GAK: variants seen among roughly 807,000 people sequenced by gnomAD.
GAK encodes the protein cyclin-G-associated kinase.
GAK carries 79 observed loss-of-function variants against 143.9 expected under a neutral mutation model. The observed-to-expected ratio is 0.55, with a 90% CI of 0.46 to 0.66. The LOEUF (loss-of-function observed/expected upper bound fraction) is 0.66. Ranked by LOEUF, GAK falls within the 30% of genes least tolerant of loss-of-function variation. The pLI is 0.00. For synonymous variants in GAK, 881 were observed against 765.5 expected (o/e 1.15, Z -2.49); for missense variants, 1,693 against 1,779.7 (o/e 0.95, Z 0.88).
At chr4:871,042 C>T (rs994253345) in intron 18 of GAK, 138 bp from the exon 19 acceptor site, 2 of 726,094 alleles carry the variant, frequency 2.8e-6, no homozygotes, top group East Asian at 2.9e-5. Context: ...CAGCCGGCCA[C>T]CCCCGCCTGC....
chr4:865,323 C>T (rs1577073031), intron 22 of GAK, 79 bp from the exon 23 acceptor site: 1 of 1,586,904 alleles, frequency 6.3e-7, no homozygotes, highest in East Asian at 2.2e-5. Flanking sequence ...AGGCTGTGCT[C>T]AGGGCCCTAG....
At chr4:864,971 C>T (rs1424795321) in intron 23 of GAK, 151 bp downstream of exon 23, 3 of 1,107,688 alleles carry the variant, frequency 2.7e-6, no homozygotes, top group East Asian at 5.4e-5. Flanking sequence ...ATACCACAGC[C>T]TTGTGTGCGG....
intron 11 of GAK, among the ~76,000 whole-genome samples, chr4:885,462 C>G (rs574619928): frequency 6.6e-6 from 1 of 152,344 alleles, no homozygotes; most frequent in South Asian, 2.1e-4. Context: ...ACGCCTTAAG[C>G]AAAGGTGGGC....
chr4:849,361 A>C lies in GAK; in HGVS notation c.*312T>G. 2.3e-6 allele frequency: 1 copy of C among 440,598 alleles called. No homozygotes were observed. The allele number at this position is 440,598 out of a possible 1,614,324, so 27.3% of individuals were successfully genotyped here. A position where few individuals can be genotyped will look rare whatever the true frequency, so the allele number is the denominator to read the frequency against. On this transcript the variant is annotated 3_prime_UTR_variant, in exon 28 of 28. Transcript: ENST00000314167. Reference sequence around the variant, plus strand: ...GCAAACACCAGGGCCCATGAGCGCCAGCAGCGTGGCCCACCACGTGCCGGG... The same window carrying C: ...GCAAACACCAGGGCCCATGAGCGCCCGCAGCGTGGCCCACCACGTGCCGGG...
At chr4:882,855 G>A (rs1212861240) in intron 13 of GAK, 36 bp from the exon 14 acceptor site, 4 of 1,597,826 alleles carry the variant, frequency 2.5e-6, no homozygotes, top group African/African-American at 1.3e-5. Flanking sequence ...GGACGGCAGA[G>A]GAGCCCCGCC....
chr4:862,366 C>A (rs1750446988), intron 23 of GAK, among the ~76,000 whole-genome samples: 1 of 152,258 alleles, frequency 6.6e-6, no homozygotes, highest in Non-Finnish European at 1.5e-5. Flanking sequence ...AAGTCATCTG[C>A]TAAGATCCGG....
Position 893,343 on chromosome 4 carries a change from C to A in GAK, c.990+34G>T. The A allele has an allele frequency of 3.5e-6, 5 of 1,426,360 alleles. No homozygotes were observed. The South Asian group carries it at 5.5e-5, about 16-fold the overall frequency. The allele number at this position is 1,426,360 out of a possible 1,614,324, so 88.4% of individuals were successfully genotyped here. Reference sequence around the variant, plus strand: ...CTCATGTGTGCCTCCTTCACCACTGCGGGGGATTTGGGGCTCACGTGTGCC... The same window carrying A: ...CTCATGTGTGCCTCCTTCACCACTGAGGGGGATTTGGGGCTCACGTGTGCC... On this transcript the variant is annotated intron_variant, in intron 9 of 27. Coordinates refer to ENST00000314167, the MANE Select transcript of GAK (RefSeq NM_005255.4).
chr4:923,689 G>C (rs1479816043), intron 1 of GAK, among the ~76,000 whole-genome samples: 7 of 151,744 alleles, frequency 4.6e-5, no homozygotes, highest in Non-Finnish European at 1.0e-4. Context: ...GCAGGGAGTG[G>C]AGGGGTGGGG....
Position 877,467 on chromosome 4 carries a change from A to G in GAK, c.1856+148T>C, listed in dbSNP as rs936311763. ...CTGTGACCTCCTGCTGCTGACCAGG[A>G]TCCCAAGTGACCTGCCACAGACGCC... is the stretch of plus-strand genomic sequence containing the variant. On this transcript the variant is annotated intron_variant, in intron 16 of 27. Transcript: ENST00000314167. 7.2e-5 allele frequency: 59 copies of G among 820,402 alleles called. No individual in the cohort carries two copies. The African/African-American group carries it at 8.0e-4, about 11-fold the overall frequency. 50.8% of individuals were successfully genotyped at this position (820,402 alleles called of 1,614,324 possible).
At position 864,723 on chromosome 4, in the gene GAK, C is replaced by T. The variant is rs1004266762; in HGVS notation, c.3166+399G>A. On this transcript the variant is annotated intron_variant, in intron 23 of 27. Coordinates refer to ENST00000314167, the MANE Select transcript of GAK (RefSeq NM_005255.4). ...AACACCGAGACAAGACCCATGGGGT[C>T]GGCCTCAGTCACAAACCCCTTCAGG... Among the ~76,000 whole-genome samples, 6 of 152,180 alleles carry T rather than the reference C, an allele frequency of 3.9e-5. No individual in the cohort carries two copies. In the South Asian group the frequency reaches 6.2e-4, roughly 16 times the overall value.
At chr4:899,780 T>G (rs897207388) in intron 5 of GAK, among the ~76,000 whole-genome samples, 1 of 152,222 alleles carries the variant, frequency 6.6e-6, no homozygotes, top group African/African-American at 2.4e-5. Context: ...AGAGGACGCC[T>G]GCTCCGCGGA....
chr4:856,058 C>T (rs1749066382), intron 24 of GAK, among the ~76,000 whole-genome samples: 1 of 152,198 alleles, frequency 6.6e-6, no homozygotes, highest in Non-Finnish European at 1.5e-5. Context: ...TAGCTCAGGC[C>T]AGCCTTGACC....
intron 9 of GAK, among the ~76,000 whole-genome samples, chr4:891,243 G>A (rs1339160826): frequency 6.6e-6 from 1 of 151,560 alleles, no homozygotes; most frequent in Non-Finnish European, 1.5e-5. Flanking sequence ...TTACAGGCGT[G>A]AGCCACTGCA....
chr4:868,732 T>G (rs1170123797), intron 19 of GAK, 47 bp from the exon 20 acceptor site: 1 of 1,532,440 alleles, frequency 6.5e-7, no homozygotes, highest in South Asian at 1.2e-5. Flanking sequence ...GCCAGCAGCC[T>G]CGGGGCAACA....
chr4:919,770 G>C (rs28496796), intron 1 of GAK, among the ~76,000 whole-genome samples: 85,782 of 152,160 alleles, frequency 0.56, 24,662 homozygotes, highest in South Asian at 0.67. Context: ...TTTACCGTCT[G>C]TCTCAGCTAG....
intron 27 of GAK, 59 bp from the exon 28 acceptor site, chr4:849,833 G>GGGGGGGGGGCCCCCCCCCCCCCCC: frequency 8.4e-7 from 1 of 1,190,156 alleles, no homozygotes; most frequent in Non-Finnish European, 1.2e-6. Context: ...GGCGGGGCAG[G>GGGGGGGGGGCCCCCCCCCCCCCCC]ACCCCCCCCC....
chr4:911,005 A>T (rs1362736229), intron 4 of GAK, among the ~76,000 whole-genome samples: 1 of 152,038 alleles, frequency 6.6e-6, no homozygotes, highest in Non-Finnish European at 1.5e-5. Context: ...GGTGACACCA[A>T]CACGACATCC....
chr4:897,972 A>G (rs528909720), intron 6 of GAK, 61 bp downstream of exon 6: 5 of 1,545,912 alleles, frequency 3.2e-6, no homozygotes, highest in African/African-American at 1.4e-5. Flanking sequence ...AGCACTCCGC[A>G]CTCAGGGCGT....
Position 882,837 on chromosome 4 carries a change from G to C in GAK, c.1405-18C>G. On this transcript the variant is annotated intron_variant, in intron 13 of 27. Coordinates refer to ENST00000314167, the MANE Select transcript of GAK (RefSeq NM_005255.4). ...TCGGAGACCTGTGGGGACAGGGCACGGTGGCACGGACGGCAGAGGAGCCCC... is the reference window on the plus strand; with the variant it reads ...TCGGAGACCTGTGGGGACAGGGCACCGTGGCACGGACGGCAGAGGAGCCCC... 1 of 1,605,108 alleles carries C rather than the reference G, an allele frequency of 6.2e-7. No homozygotes were observed. The highest frequency in any genetic ancestry group is 8.5e-7 in the Non-Finnish European group (1 of 1,178,552).
Sources: allele counts gnomAD v4.1 joint callset (sites outside exome capture counted in the v4.1 genomes callset), GRCh38; gene constraint gnomAD v4.1.1; transcripts MANE v1.5; gene names NCBI Gene and HGNC (gene_info 2026-07-23, HGNC 2026-07-21).